The following THOC2 variants were observed in gnomAD, a reference collection of about 807,000 sequenced individuals.
THOC2 encodes the protein THO complex subunit 2.
Under a neutral mutation model 128.4 loss-of-function variants are expected in THOC2, and 10 were observed. The ratio of observed to expected loss-of-function variants is 0.08; its 90% CI spans 0.05 to 0.13. The LOEUF is 0.13. Ranked by LOEUF, THOC2 falls within the 10% of genes least tolerant of loss-of-function variation. The probability of loss-of-function intolerance (pLI) is 1.00; values close to 1 mark genes in which losing one functional copy is unlikely to be tolerated. For missense variants in THOC2, 535 were observed against 1,155.7 expected (o/e 0.46, Z 7.79); for synonymous variants, 393 against 396.9 (o/e 0.99, Z 0.12).
chrX:123,629,729 G>A lies in THOC2; in HGVS notation c.2482-1761C>T, dbSNP rs962760651. ...GCATCAGAAACCTGAGGGAATAGCA[G>A]TTGGGAAAACAGAGAGTGTTTTTTA... On this transcript the variant is annotated intron_variant, in intron 22 of 38. Coordinates refer to ENST00000245838, the MANE Select transcript of THOC2 (RefSeq NM_001081550.2). 6.3e-5 allele frequency among the ~76,000 whole-genome samples: 7 copies of A among 111,759 alleles called. 1 individual carries two copies. Among genetic ancestry groups the A allele is most frequent in the African/African-American group, 2.3e-4 (7 of 30,613 alleles).
At chrX:123,638,423 C>T (rs1327389779) in intron 17 of THOC2, among the ~76,000 whole-genome samples, 1 of 111,491 alleles carries the variant, frequency 9.0e-6, no homozygotes, top group Non-Finnish European at 1.9e-5. Flanking sequence ...CTTTGGGAGG[C>T]CAAGGTGGGT....
chrX:123,621,841 G>A (rs184494890), intron 30 of THOC2, among the ~76,000 whole-genome samples: 211 of 110,918 alleles, frequency 1.9e-3, no homozygotes, highest in Non-Finnish European at 3.1e-3. Context: ...TCAGGAGTTC[G>A]AGACCAGCCT....
chrX:123,626,829 C>T (rs1028537265), intron 23 of THOC2, among the ~76,000 whole-genome samples, 167 bp from the exon 24 acceptor site: 1 of 112,224 alleles, frequency 8.9e-6, no homozygotes, highest in Non-Finnish European at 1.9e-5. Context: ...ACTCATAACA[C>T]TGTCATGGCA....
intron 15 of THOC2, among the ~76,000 whole-genome samples, chrX:123,641,636 C>T (rs2047916691): frequency 9.0e-6 from 1 of 111,645 alleles, no homozygotes; most frequent in African/African-American, 3.3e-5. Context: ...CCTCCCTCTA[C>T]TTGCCAAGGC....
intron 18 of THOC2, among the ~76,000 whole-genome samples, chrX:123,636,989 AAGCTTTC>A (rs1163071790): frequency 1.8e-5 from 2 of 112,082 alleles, no homozygotes; most frequent in African/African-American, 3.2e-5. Context: ...TTAACAGAAA[AAGCTTTC>A]CAGAGGAAGT....
rs183108068 is a variant in THOC2, at chrX:123,696,624, A to C, written c.467+97T>G. 8.3e-4 allele frequency: 748 copies of C among 898,234 alleles called. 3 individuals are homozygous for C. In the African/African-American group the frequency reaches 0.014, roughly 16 times the overall value. 74.0% of individuals were successfully genotyped at this position (898,234 alleles called of 1,213,427 possible). A position where few individuals can be genotyped will look rare whatever the true frequency, so the allele number is the denominator to read the frequency against. On this transcript the variant is annotated intron_variant, in intron 6 of 38. Transcript: ENST00000245838. Reference sequence around the variant, plus strand: ...CATGCTAACCACAAACAAAAAAAACAATCTTCAAAGTCCCCTTAGAAGCTA... The same window carrying C: ...CATGCTAACCACAAACAAAAAAAACCATCTTCAAAGTCCCCTTAGAAGCTA...
At chrX:123,680,169 C>A (rs1358008220) in intron 8 of THOC2, among the ~76,000 whole-genome samples, 1 of 110,125 alleles carries the variant, frequency 9.1e-6, no homozygotes, top group East Asian at 2.8e-4. Context: ...TCTCCTGCTC[C>A]TCCCTGGGCA....
At chrX:123,721,324 G>A (rs2051686005) in intron 1 of THOC2, among the ~76,000 whole-genome samples, 1 of 108,445 alleles carries the variant, frequency 9.2e-6, no homozygotes, top group Non-Finnish European at 1.9e-5. Context: ...AGGTGTGCAC[G>A]ACCATGCCTG....
intron 5 of THOC2, among the ~76,000 whole-genome samples, chrX:123,697,308 C>T (rs1288334720): frequency 3.6e-5 from 4 of 112,189 alleles, no homozygotes; most frequent in Non-Finnish European, 7.5e-5. Flanking sequence ...TAGAATTTAT[C>T]ATTTTTAAAC....
At chrX:123,700,538 A>AGGGGGGGGGGGGGGGGGG (rs2050654624) in intron 4 of THOC2, among the ~76,000 whole-genome samples, 1 of 1,616 alleles carries the variant, frequency 6.2e-4, no homozygotes, top group Non-Finnish European at 1.1e-3. Context: ...GGAGGTGGTG[A>AGGGGGGGGGGGGGGGGGG]GGGGGTGGGG....
chrX:123,647,840 CAAAAAAAA>C lies in THOC2; in HGVS notation c.1387-2473_1387-2466del, dbSNP rs60123342. On this transcript the variant is annotated intron_variant, in intron 12 of 38. Coordinates refer to ENST00000245838, the MANE Select transcript of THOC2 (RefSeq NM_001081550.2). ...TAAGCAACACAACAAGACTCTGTCT[CAAAAAAAA>C]AAAAAAAAAAAAAAGATTTTGAAAA... Among the ~76,000 whole-genome samples, 7 of 37,526 alleles carry C rather than the reference CAAAAAAAA, an allele frequency of 1.9e-4. No individual in the cohort carries two copies. The East Asian group carries it at 3.1e-3, about 17-fold the overall frequency. The allele number at this position is 37,526 out of a possible 115,157, so 32.6% of individuals were successfully genotyped here. A position where few individuals can be genotyped will look rare whatever the true frequency, so the allele number is the denominator to read the frequency against.
chrX:123,640,424 T>G, intron 16 of THOC2, 114 bp downstream of exon 16: 3 of 498,101 alleles, frequency 6.0e-6, no homozygotes, highest in Non-Finnish European at 9.6e-6. Context: ...TAATTTTGTT[T>G]TTAGCATAAC....
intron 12 of THOC2, among the ~76,000 whole-genome samples, chrX:123,654,889 G>A (rs2048509820): frequency 9.1e-6 from 1 of 109,902 alleles, no homozygotes; most frequent in Admixed American, 9.9e-5. Context: ...TGATCGGGCT[G>A]CATAACAGTA....
chrX:123,727,057 A>G (rs888179399), intron 1 of THOC2, among the ~76,000 whole-genome samples: 2 of 109,851 alleles, frequency 1.8e-5, no homozygotes, highest in African/African-American at 6.6e-5. Context: ...GCACAAAAAA[A>G]TGTTTTTAAT....
At chrX:123,677,251 C>CA (rs1471899148) in intron 8 of THOC2, among the ~76,000 whole-genome samples, 1 of 110,864 alleles carries the variant, frequency 9.0e-6, no homozygotes, top group African/African-American at 3.3e-5. Flanking sequence ...GTAGGACACC[C>CA]ACCAAGAATG....
intron 2 of THOC2, among the ~76,000 whole-genome samples, chrX:123,710,080 G>A (rs936269873): frequency 8.0e-5 from 9 of 111,992 alleles, no homozygotes; most frequent in African/African-American, 2.6e-4. Context: ...AAGAGATTCT[G>A]AAGAAATGAC....
intron 1 of THOC2, among the ~76,000 whole-genome samples, chrX:123,717,693 CA>C (rs753080854): frequency 1.1e-4 from 9 of 82,520 alleles, no homozygotes; most frequent in Admixed American, 1.4e-4. Context: ...TATATGGAAC[CA>C]AAAAAAAAAA....
intron 1 of THOC2, among the ~76,000 whole-genome samples, chrX:123,713,476 CAAA>C (rs1245124629): frequency 2.6e-5 from 1 of 38,383 alleles, no homozygotes; most frequent in African/African-American, 8.6e-5. Context: ...TCTGTCTCTA[CAAA>C]AAAAAAAAAA....
chrX:123,652,326 T>A (rs779102277), intron 12 of THOC2, among the ~76,000 whole-genome samples: 7 of 111,872 alleles, frequency 6.3e-5, no homozygotes, highest in Admixed American at 2.9e-4. Flanking sequence ...GCCAATATCA[T>A]ACTGAGTGAG....
Sources: allele counts gnomAD v4.1 joint callset (sites outside exome capture counted in the v4.1 genomes callset), GRCh38; gene constraint gnomAD v4.1.1; transcripts MANE v1.5; gene names NCBI Gene and HGNC (gene_info 2026-07-23, HGNC 2026-07-21).